GRIN3A: variants seen among roughly 807,000 people sequenced by gnomAD.
GRIN3A encodes glutamate ionotropic receptor NMDA type subunit 3A.
GRIN3A carries 47 observed loss-of-function variants against 92.4 expected under a neutral mutation model. The ratio of observed to expected loss-of-function variants is 0.51; its 90% CI spans 0.40 to 0.65. The LOEUF (loss-of-function observed/expected upper bound fraction) is 0.65, where lower values mean the gene tolerates loss of function less well. Ranked by LOEUF, GRIN3A falls within the 30% of genes least tolerant of loss-of-function variation. The probability of loss-of-function intolerance (pLI) is 0.00; values close to 1 mark genes in which losing one functional copy is unlikely to be tolerated. For synonymous variants in GRIN3A, 527 were observed against 540.6 expected (o/e 0.97, Z 0.35); for missense variants, 1,324 against 1,393.1 (o/e 0.95, Z 0.79).
chr9:101,580,375 G>A (rs1827873373), intron 6 of GRIN3A, among the ~76,000 whole-genome samples: 1 of 152,184 alleles, frequency 6.6e-6, no homozygotes, highest in Admixed American at 6.5e-5. Context: ...ATGGCCCCTG[G>A]AGTTGTGCCA....
At chr9:101,628,143 C>G in intron 4 of GRIN3A, 113 bp downstream of exon 4, 1 of 983,106 alleles carries the variant, frequency 1.0e-6, no homozygotes, top group Non-Finnish European at 1.6e-6. Context: ...TTACTTAACA[C>G]AACGTGGGTA....
At chr9:101,665,075 A>G (rs1365932412) in intron 3 of GRIN3A, among the ~76,000 whole-genome samples, 1 of 151,960 alleles carries the variant, frequency 6.6e-6, no homozygotes, top group Non-Finnish European at 1.5e-5. Flanking sequence ...TTAAATTTTG[A>G]GCTAGAAATA....
intron 1 of GRIN3A, among the ~76,000 whole-genome samples, chr9:101,697,426 G>C (rs2118994652): frequency 6.6e-6 from 1 of 152,306 alleles, no homozygotes; most frequent in East Asian, 1.9e-4. Flanking sequence ...TCTTCAAGCA[G>C]CTCTGATGAC....
chr9:101,719,007 G>A lies in GRIN3A; in HGVS notation c.699+18274C>T, dbSNP rs1445747794. The stretch of plus-strand genomic sequence containing the variant: ...ATAGCAGTAGATGATGCAGAGATAT[G>A]GCAAAAATTATGAGGGCAGTAACTG... On this transcript the variant is annotated intron_variant, in intron 1 of 8. Coordinates refer to ENST00000361820, the MANE Select transcript of GRIN3A (RefSeq NM_133445.3). Among the ~76,000 whole-genome samples the A allele has an allele frequency of 2.6e-5, 4 of 152,274 alleles. No homozygotes were observed. In the South Asian group the frequency reaches 6.2e-4, roughly 24 times the overall value.
chr9:101,646,542 T>C (rs1828940605), intron 3 of GRIN3A, among the ~76,000 whole-genome samples: 1 of 151,992 alleles, frequency 6.6e-6, no homozygotes, highest in African/African-American at 2.4e-5. Flanking sequence ...TTGTTTTCTC[T>C]ATTTCTTTGA....
intron 1 of GRIN3A, among the ~76,000 whole-genome samples, chr9:101,702,027 C>G (rs894513960): frequency 6.6e-6 from 1 of 152,052 alleles, no homozygotes; most frequent in East Asian, 1.9e-4. Context: ...CTTCGCTGGG[C>G]GTGGTGGCTA....
chr9:101,670,424 G>T lies in GRIN3A; in HGVS notation c.1988C>A (p.Ala663Glu). ...CCACATGAAGGCTCCAATGGGAGCT[G>T]CTGTATCTCGGGTCCTCACTAAGAT... ...LGILVRTRDT[A>E]APIGAFMWPL... The change falls in exon 3 of 9, where the codon GCA (alanine) becomes GAA (glutamate). Residue 663 changes from alanine (A) to glutamate (E), a missense_variant. Coordinates refer to ENST00000361820, the MANE Select transcript of GRIN3A (RefSeq NM_133445.3). The T allele has an allele frequency of 1.2e-6, 2 of 1,614,026 alleles. No individual in the cohort carries two copies.
At chr9:101,716,787 C>T (rs1564151389) in intron 1 of GRIN3A, among the ~76,000 whole-genome samples, 1 of 152,194 alleles carries the variant, frequency 6.6e-6, no homozygotes, top group Admixed American at 6.5e-5. Context: ...CCCTCCAGCA[C>T]TAGCAGGCAT....
rs937669419 is a variant in GRIN3A at position 101,646,975 on chromosome 9, A to G, written c.2353-18574T>C. 4.0e-5 allele frequency among the ~76,000 whole-genome samples: 6 copies of G among 151,796 alleles called. No individual in the cohort carries two copies. In the South Asian group the frequency reaches 1.2e-3, roughly 32 times the overall value. ...TTTGACTTTTTCCTTTCCAATTTGG[A>G]TGCTTTTTATTTCTTTCTCTTGCTT... On this transcript the variant is annotated intron_variant, in intron 3 of 8. Coordinates refer to ENST00000361820, the MANE Select transcript of GRIN3A (RefSeq NM_133445.3).
intron 1 of GRIN3A, among the ~76,000 whole-genome samples, chr9:101,705,577 C>A (rs1190362043): frequency 6.6e-6 from 1 of 152,170 alleles, no homozygotes; most frequent in Non-Finnish European, 1.5e-5. Flanking sequence ...CACTGTAACA[C>A]ACGCTCACTT....
chr9:101,628,336 C>T lies in GRIN3A; in HGVS notation c.2418G>A (p.Val806=), dbSNP rs1485709498. ...CATGCATCTCTGGGAAACTTTGTCT[C>T]ACATAATCTTCAGCACTGCTTTCTC... ...TVRESSAEDY[V]RQSFPEMHEY... The change falls in exon 4 of 9, where the codon GTG becomes GTA. Residue 806 remains valine, a synonymous_variant. Coordinates refer to ENST00000361820, the MANE Select transcript of GRIN3A (RefSeq NM_133445.3). 3.1e-6 allele frequency: 5 copies of T among 1,613,970 alleles called. No individual in the cohort carries two copies. Among genetic ancestry groups the T allele is most frequent in the Non-Finnish European group, 4.2e-6 (5 of 1,179,912 alleles).
chr9:101,594,157 T>C (rs3739724), intron 6 of GRIN3A: 59,631 of 424,660 alleles, frequency 0.14, 4,603 homozygotes, highest in East Asian at 0.23. Flanking sequence ...AAGATGTTTA[T>C]AAAAGCCATT....
At chr9:101,656,887 T>C (rs1829095633) in intron 3 of GRIN3A, among the ~76,000 whole-genome samples, 1 of 151,904 alleles carries the variant, frequency 6.6e-6, no homozygotes. Flanking sequence ...CAGGAAGCTG[T>C]GCCAGTTGCC....
chr9:101,628,939 G>A (rs1828675872), intron 3 of GRIN3A, among the ~76,000 whole-genome samples: 1 of 149,462 alleles, frequency 6.7e-6, no homozygotes, highest in African/African-American at 2.6e-5. Flanking sequence ...CTAGGAGGGA[G>A]ATAATACAGA....
At position 101,595,003 on chromosome 9, in the gene GRIN3A, G is replaced by A. The variant is rs575972162; in HGVS notation, c.2767-15643C>T. The A allele has an allele frequency of 2.0e-6, 3 of 1,513,144 alleles. No individual in the cohort carries two copies. The African/African-American group carries it at 4.1e-5, about 21-fold the overall frequency. 93.7% of individuals were successfully genotyped at this position (1,513,144 alleles called of 1,614,324 possible). On this transcript the variant is annotated intron_variant, in intron 6 of 8. Transcript: ENST00000361820. ...TGAGCTCGGGCGGGGCTCGTGCCCG[G>A]ACGGTTGGGCCATGGGGTGGGGGTA...
In GRIN3A at chr9:101,658,901, T is replaced by C. The variant is rs933826264; in HGVS notation, c.2352+11159A>G. 4.6e-5 allele frequency among the ~76,000 whole-genome samples: 7 copies of C among 151,906 alleles called. No individual in the cohort carries two copies. The South Asian group carries it at 1.2e-3, about 27-fold the overall frequency. On this transcript the variant is annotated intron_variant, in intron 3 of 8. Transcript: ENST00000361820. ...CAACAGACCTGAACTCTGTTAAGATTCTTGGCTTGCCACTGGATACACCAG... is the reference window on the plus strand; with the variant it reads ...CAACAGACCTGAACTCTGTTAAGATCCTTGGCTTGCCACTGGATACACCAG...
intron 2 of GRIN3A, among the ~76,000 whole-genome samples, chr9:101,682,753 C>A (rs1328199979): frequency 6.6e-6 from 1 of 152,154 alleles, no homozygotes; most frequent in Non-Finnish European, 1.5e-5. Flanking sequence ...GAGGCCGAGG[C>A]GGGCGGATCA....
At chr9:101,693,625 A>C (rs1829648071) in intron 1 of GRIN3A, among the ~76,000 whole-genome samples, 1 of 152,140 alleles carries the variant, frequency 6.6e-6, no homozygotes, top group Admixed American at 6.6e-5. Context: ...AAGGTGTCTG[A>C]GGCATGAGTT....
At chr9:101,713,472 T>C (rs535600190) in intron 1 of GRIN3A, among the ~76,000 whole-genome samples, 38 of 152,314 alleles carry the variant, frequency 2.5e-4, no homozygotes, top group South Asian at 1.0e-3. Flanking sequence ...AGCCTAGGTA[T>C]GTATTCAGTA....
Sources: allele counts gnomAD v4.1 joint callset (sites outside exome capture counted in the v4.1 genomes callset), GRCh38; gene constraint gnomAD v4.1.1; transcripts MANE v1.5; gene names NCBI Gene and HGNC (gene_info 2026-07-23, HGNC 2026-07-21).